CAPN12: variants seen among roughly 807,000 people sequenced by gnomAD.
CAPN12 encodes the protein calpain 12.
CAPN12 carries 107 observed loss-of-function variants against 95.0 expected under a neutral mutation model. The observed-to-expected ratio is 1.13, with a 90% CI of 0.96 to 1.32. The LOEUF (loss-of-function observed/expected upper bound fraction) is 1.32, where lower values mean the gene tolerates loss of function less well. Ranked by LOEUF, CAPN12 falls within the 40% of genes most tolerant of loss-of-function variation. The pLI is 0.00. For synonymous variants in CAPN12, 505 were observed against 415.5 expected, an observed-to-expected ratio of 1.22 and a Z score of -2.62; for missense variants, 1,136 against 997.8, an observed-to-expected ratio of 1.14 and a Z score of -1.87.
intron 15 of CAPN12, 92 bp from the exon 16 acceptor site, chr19:38,734,481 T>A (rs1364345282): frequency 1.3e-5 from 15 of 1,119,278 alleles, no homozygotes; most frequent in Non-Finnish European, 1.8e-5. Context: ...AAGCAGGTGA[T>A]GTTGTCAGTC....
rs1568762723 is a variant in CAPN12, at chr19:38,731,193, G to T, written c.1988C>A (p.Thr663Asn). 6.2e-7 allele frequency: 1 copy of T among 1,612,894 alleles called. No homozygotes were observed. Among genetic ancestry groups the T allele is most frequent in the Non-Finnish European group, 8.5e-7 (1 of 1,180,026 alleles). ...GCTATCCCGGTAGCGGCTGGTGAGG[G>T]TCTGGGTCAGCTGGTTGTTCAGGTG... ...GFHLNNQLTQTLTSRYRDSRL... is the reference protein window; with the variant it reads ...GFHLNNQLTQNLTSRYRDSRL... The change falls in exon 19 of 21, where the codon ACC becomes AAC. Residue 663 changes from threonine to asparagine, a missense_variant. Coordinates refer to ENST00000328867, the MANE Select transcript of CAPN12 (RefSeq NM_144691.4).
intron 17 of CAPN12, 144 bp downstream of exon 17, chr19:38,733,998 A>T: frequency 1.1e-6 from 1 of 891,194 alleles, no homozygotes; most frequent in Non-Finnish European, 1.7e-6. Context: ...GGGTGGGGGC[A>T]GGGATATCCC....
At chr19:38,732,748 C>T (rs1380512757) in intron 18 of CAPN12, among the ~76,000 whole-genome samples, 2 of 151,592 alleles carry the variant, frequency 1.3e-5, no homozygotes, top group Non-Finnish European at 2.9e-5. Context: ...CAGCCCCCAT[C>T]TCCCTGTGGC....
chr19:38,730,895 A>C lies in CAPN12; in HGVS notation c.2134-17T>G. The C allele has an allele frequency of 6.4e-7, 1 of 1,551,536 alleles. No homozygotes were observed. Among genetic ancestry groups the C allele is most frequent in the Non-Finnish European group, 8.7e-7 (1 of 1,147,368 alleles). On this transcript the variant is annotated splice_polypyrimidine_tract_variant and intron_variant, in intron 20 of 20. Coordinates refer to ENST00000328867, the MANE Select transcript of CAPN12 (RefSeq NM_144691.4). ...CTCCATCCACTAAGGAAGAGAAGGA[A>C]GACAGTGGCTTGAGGCAGGGAGCTC... is the stretch of plus-strand genomic sequence containing the variant.
At chr19:38,735,296 C>G in intron 14 of CAPN12, 74 bp downstream of exon 14, 1 of 1,414,254 alleles carries the variant, frequency 7.1e-7, no homozygotes, top group Non-Finnish European at 9.5e-7. Context: ...ACCTGAGATG[C>G]TGGGGTGGGG....
intron 14 of CAPN12, 61 bp downstream of exon 14, chr19:38,735,309 A>AG (rs1025321375): frequency 3.1e-5 from 46 of 1,475,496 alleles, no homozygotes; most frequent in Middle Eastern, 2.1e-4. Flanking sequence ...GGGTGGGGGA[A>AG]GGGGGGTCCC....
intron 10 of CAPN12, 71 bp downstream of exon 10, chr19:38,737,085 C>G (rs543944172): frequency 2.2e-5 from 27 of 1,200,476 alleles, no homozygotes; most frequent in Non-Finnish European, 2.9e-5. Flanking sequence ...ATGCCTCCCC[C>G]GCTCCTTGGC....
chr19:38,739,022 C>T, intron 5 of CAPN12: 1 of 310,170 alleles, frequency 3.2e-6, no homozygotes, highest in South Asian at 3.1e-5. Flanking sequence ...GTCCCAGCTA[C>T]TCTGGAGGCT....
At chr19:38,736,883 T>G in intron 10 of CAPN12, 1 of 532,656 alleles carries the variant, frequency 1.9e-6, no homozygotes, top group Non-Finnish European at 3.3e-6. Context: ...TAGCTCCCTC[T>G]CCCCTCTGAG....
chr19:38,732,383 G>A (rs1969689258), intron 18 of CAPN12, among the ~76,000 whole-genome samples: 1 of 152,158 alleles, frequency 6.6e-6, no homozygotes, highest in Non-Finnish European at 1.5e-5. Context: ...CCAGGCTGGA[G>A]TACAATGGCA....
chr19:38,730,788 G>T lies in CAPN12; in HGVS notation c.*64C>A. 6.5e-7 allele frequency: 1 copy of T among 1,536,908 alleles called. No individual in the cohort carries two copies. On this transcript the variant is annotated 3_prime_UTR_variant, in exon 21 of 21. Coordinates refer to ENST00000328867, the MANE Select transcript of CAPN12 (RefSeq NM_144691.4). ...GAGAGTGGCACCCATGCCAGGCAAG[G>T]CCTAGGGAGGTGGTCTTGCTCAGCA...
Position 38,737,566 on chromosome 19 carries a change from G to A in CAPN12, c.1038C>T (p.Gly346=). The change falls in exon 9 of 21, where the codon GGC becomes GGT. Residue 346 remains glycine (G), a synonymous_variant. Coordinates refer to ENST00000328867, the MANE Select transcript of CAPN12 (RefSeq NM_144691.4). ...QICSLSPEVL[G]PSPEGGGWHV... The stretch of plus-strand genomic sequence containing the variant: ...GCCAGCCGCCCCCCTCCGGGCTGGG[G>A]CCCAGCACCTCCGGGCTCAGCGAGC... 5.0e-6 allele frequency: 8 copies of A among 1,612,372 alleles called. No individual in the cohort carries two copies. Among genetic ancestry groups the A allele is most frequent in the Non-Finnish European group, 6.8e-6 (8 of 1,179,832 alleles).
At chr19:38,737,706 C>T in intron 8 of CAPN12, 68 bp from the exon 9 acceptor site, 1 of 1,453,862 alleles carries the variant, frequency 6.9e-7, no homozygotes, top group Non-Finnish European at 9.1e-7. Flanking sequence ...CCGGAAATGA[C>T]TCCCAGATCC....
chr19:38,734,024 A>C, intron 17 of CAPN12, 118 bp downstream of exon 17: 1 of 1,136,792 alleles, frequency 8.8e-7, no homozygotes, highest in Non-Finnish European at 1.3e-6. Flanking sequence ...GATCTCTCCA[A>C]GTCAGCCTAG....
chr19:38,733,308 C>T (rs1969769673), intron 18 of CAPN12: 2 of 179,632 alleles, frequency 1.1e-5, no homozygotes, highest in Non-Finnish European at 2.4e-5. Context: ...GTCAAGTGCC[C>T]AGGGCCCCTC....
chr19:38,738,173 T>G, intron 8 of CAPN12, 100 bp downstream of exon 8: 1 of 1,215,150 alleles, frequency 8.2e-7, no homozygotes, highest in South Asian at 1.3e-5. Context: ...TGTACACAGT[T>G]TCTCCCTATT....
At chr19:38,735,130 C>A in intron 14 of CAPN12, 1 of 602,184 alleles carries the variant, frequency 1.7e-6, no homozygotes, top group Non-Finnish European at 2.9e-6. Context: ...TTAGATGAGA[C>A]CTGAGCCTGG....
At chr19:38,737,450 C>A (rs759346642) in intron 9 of CAPN12, 25 bp downstream of exon 9, 186 of 1,612,136 alleles carry the variant, frequency 1.2e-4, no homozygotes, top group Middle Eastern at 6.6e-4. Context: ...CCCCAGGAAG[C>A]CTCTCAGGGC....
chr19:38,733,960 G>A, intron 17 of CAPN12, 179 bp from the exon 18 acceptor site: 2 of 796,118 alleles, frequency 2.5e-6, no homozygotes, highest in Non-Finnish European at 4.0e-6. Context: ...GGGAATAAGA[G>A]CAATGACCCA....
Sources: allele counts gnomAD v4.1 joint callset (sites outside exome capture counted in the v4.1 genomes callset), GRCh38; gene constraint gnomAD v4.1.1; transcripts MANE v1.5; gene names NCBI Gene and HGNC (gene_info 2026-07-23, HGNC 2026-07-21).